The following ZFAND4 variants were observed in gnomAD, a reference collection of about 807,000 sequenced individuals.
ZFAND4 encodes the protein zinc finger AN1-type containing 4, also known as AN1-type zinc finger protein 4.
ZFAND4 carries 43 observed loss-of-function variants against 64.4 expected under a neutral mutation model. The observed-to-expected ratio is 0.67, with a 90% CI of 0.52 to 0.86. The LOEUF is 0.86. Among genes scored for constraint, ZFAND4 ranks in the 40% least tolerant of loss-of-function variants. The pLI, the probability that ZFAND4 is intolerant of heterozygous loss-of-function variation, is 0.00. For missense variants in ZFAND4, 929 were observed against 859.8 expected, an observed-to-expected ratio of 1.08 and a Z score of -1.01; for synonymous variants, 296 against 305.7, an observed-to-expected ratio of 0.97 and a Z score of 0.33.
chr10:45,627,065 G>A lies in ZFAND4; in HGVS notation c.758C>T (p.Ala253Val). The change falls in exon 7 of 10, where the codon GCT (alanine) becomes GTT (valine). Residue 253 changes from alanine (A) to valine (V), a missense_variant. Physicochemically the swap from Ala to Val is moderately conservative, Grantham distance 64. Coordinates refer to ENST00000344646, the MANE Select transcript of ZFAND4 (RefSeq NM_174890.4). ...AVKIKPHPPV[A>V]PRPSSGSTAP... ...AGTGGAACCACTAGAAGGTCGAGGAGCTACAGGTGGGTGAGGTTTTATCTT... is the reference window on the plus strand; with the variant it reads ...AGTGGAACCACTAGAAGGTCGAGGAACTACAGGTGGGTGAGGTTTTATCTT... 1 of 1,572,224 alleles carries A rather than the reference G, an allele frequency of 6.4e-7. No individual in the cohort carries two copies. The highest frequency in any genetic ancestry group is 8.6e-7 in the Non-Finnish European group (1 of 1,158,686).
intron 2 of ZFAND4, among the ~76,000 whole-genome samples, 198 bp from the exon 3 acceptor site, chr10:45,653,257 C>T (rs2047881341): frequency 6.6e-6 from 1 of 152,152 alleles, no homozygotes; most frequent in Non-Finnish European, 1.5e-5. Context: ...AATCCATTCA[C>T]TGTAGAAAAG....
intron 3 of ZFAND4, among the ~76,000 whole-genome samples, chr10:45,652,748 T>TA (rs2047841292): frequency 1.3e-5 from 2 of 152,050 alleles, no homozygotes; most frequent in Admixed American, 1.3e-4. Flanking sequence ...AGGCAGGAGA[T>TA]AAACAGCTTG....
At chr10:45,616,711 T>C (rs1292406305) in intron 9 of ZFAND4, 140 bp from the exon 10 acceptor site, 1 of 743,014 alleles carries the variant, frequency 1.3e-6, no homozygotes, top group Non-Finnish European at 2.2e-6. Flanking sequence ...ACATTTCCCT[T>C]CCATTCGTAA....
rs1201602833 is a variant in ZFAND4 at position 45,627,078 on chromosome 10, G to A, written c.745C>T (p.His249Tyr). The change falls in exon 7 of 10, where the codon CAC (histidine) becomes TAC (tyrosine). Residue 249 changes from histidine to tyrosine, a missense_variant. Physicochemically the swap from His to Tyr is moderately conservative, Grantham distance 83. Coordinates refer to ENST00000344646, the MANE Select transcript of ZFAND4 (RefSeq NM_174890.4). ...GAAGGTCGAGGAGCTACAGGTGGGTGAGGTTTTATCTTGACAGCTTTCTTA... is the reference window on the plus strand; with the variant it reads ...GAAGGTCGAGGAGCTACAGGTGGGTAAGGTTTTATCTTGACAGCTTTCTTA... ...KPKKAVKIKP[H>Y]PPVAPRPSSG... 2 of 1,557,796 alleles carry A rather than the reference G, an allele frequency of 1.3e-6. No homozygotes were observed. Among genetic ancestry groups the A allele is most frequent in the Non-Finnish European group, 8.7e-7 (1 of 1,152,536 alleles).
intron 1 of ZFAND4, among the ~76,000 whole-genome samples, chr10:45,669,875 G>A (rs946860826): frequency 2.0e-5 from 3 of 152,126 alleles, no homozygotes; most frequent in Non-Finnish European, 4.4e-5. Context: ...TTGATGGAAC[G>A]TATCTCAAAA....
At chr10:45,666,883 C>T (rs2048860268) in intron 1 of ZFAND4, among the ~76,000 whole-genome samples, 1 of 152,192 alleles carries the variant, frequency 6.6e-6, no homozygotes, top group Admixed American at 6.5e-5. Flanking sequence ...AGTACCACCA[C>T]ATCTTAATTA....
chr10:45,656,337 T>C (rs1589407829), intron 2 of ZFAND4, among the ~76,000 whole-genome samples: 1 of 147,758 alleles, frequency 6.8e-6, no homozygotes, highest in Non-Finnish European at 1.5e-5. Flanking sequence ...AGGTGGCTCA[T>C]GCTTGTAATC....
At chr10:45,656,777 G>C (rs750513599) in intron 2 of ZFAND4, among the ~76,000 whole-genome samples, 14 of 152,008 alleles carry the variant, frequency 9.2e-5, no homozygotes, top group Non-Finnish European at 1.5e-4. Flanking sequence ...TAGGTCATGA[G>C]GGTAGGGTCC....
At chr10:45,663,505 T>C (rs558433580) in intron 2 of ZFAND4, 37 bp downstream of exon 2, 14 of 1,503,720 alleles carry the variant, frequency 9.3e-6, no homozygotes, top group African/African-American at 7.1e-5. Context: ...TGAACAAATT[T>C]AATTTTCATA....
At chr10:45,660,160 C>CAAA (rs59673620) in intron 2 of ZFAND4, among the ~76,000 whole-genome samples, 5 of 92,526 alleles carry the variant, frequency 5.4e-5, no homozygotes, top group East Asian at 2.5e-4. Flanking sequence ...AGACGCATCT[C>CAAA]AAAAAAAAAA....
rs766013984 is a variant in ZFAND4 at position 45,640,305 on chromosome 10, A to C, written c.570-342T>G. The C allele has an allele frequency of 2.1e-4, 259 of 1,248,010 alleles. 1 individual carries two copies. The highest frequency in any genetic ancestry group is 1.1e-3 in the Middle Eastern group (5 of 4,480). The allele number at this position is 1,248,010 out of a possible 1,614,324, so 77.3% of individuals were successfully genotyped here. A position where few individuals can be genotyped will look rare whatever the true frequency, so the allele number is the denominator to read the frequency against. On this transcript the variant is annotated intron_variant, in intron 5 of 9. Coordinates refer to ENST00000344646, the MANE Select transcript of ZFAND4 (RefSeq NM_174890.4). ...ATGTCTGATTTCATTTTATCAGCCA[A>C]GGCTGATAATTGTGCAACCCAGACA...
At chr10:45,657,014 CT>C (rs199943085) in intron 2 of ZFAND4, among the ~76,000 whole-genome samples, 6,051 of 137,192 alleles carry the variant, frequency 0.044, 109 homozygotes, top group African/African-American at 0.058. Context: ...GCAACCTGAA[CT>C]TTTTTTTTTT....
At chr10:45,624,062 T>C (rs2045621868) in intron 8 of ZFAND4, among the ~76,000 whole-genome samples, 1 of 152,188 alleles carries the variant, frequency 6.6e-6, no homozygotes, top group Admixed American at 6.5e-5. Context: ...CGGTGCATCT[T>C]TAATGTGTTA....
At chr10:45,653,368 T>C (rs576315189) in intron 2 of ZFAND4, among the ~76,000 whole-genome samples, 63 of 152,144 alleles carry the variant, frequency 4.1e-4, no homozygotes, top group African/African-American at 1.1e-3. Flanking sequence ...AAAGAAACTA[T>C]CAACAGAGTA....
At chr10:45,637,579 G>A (rs957373765) in intron 6 of ZFAND4, among the ~76,000 whole-genome samples, 6 of 151,840 alleles carry the variant, frequency 4.0e-5, no homozygotes, top group East Asian at 1.9e-4. Flanking sequence ...GTGAAACCCC[G>A]TCTCTACTAA....
chr10:45,664,265 T>C (rs2048662065), intron 1 of ZFAND4, among the ~76,000 whole-genome samples: 1 of 151,478 alleles, frequency 6.6e-6, no homozygotes, highest in South Asian at 2.1e-4. Flanking sequence ...ACAACGATTG[T>C]ACATTTGACT....
intron 2 of ZFAND4, among the ~76,000 whole-genome samples, chr10:45,653,792 T>C (rs1013638761): frequency 1.3e-5 from 2 of 152,172 alleles, no homozygotes; most frequent in East Asian, 1.9e-4. Flanking sequence ...AGAACGACCA[T>C]TGAACCCAAC....
At chr10:45,652,933 G>C (rs1334307505) in intron 3 of ZFAND4, 51 bp downstream of exon 3, 3 of 1,350,342 alleles carry the variant, frequency 2.2e-6, no homozygotes, top group Non-Finnish European at 2.1e-6. Context: ...TTAGCATATG[G>C]AGTCATAATA....
chr10:45,616,576 A>C lies in ZFAND4; in HGVS notation c.2049-5T>G. ...GCACAGAAGTTGTTTCCACATCTAAAGCACAAAAAAAGTTTACGTGAATAG... is the reference window on the plus strand; with the variant it reads ...GCACAGAAGTTGTTTCCACATCTAACGCACAAAAAAAGTTTACGTGAATAG... On this transcript the variant is annotated splice_polypyrimidine_tract_variant and splice_region_variant and intron_variant, in intron 9 of 9. Coordinates refer to ENST00000344646, the MANE Select transcript of ZFAND4 (RefSeq NM_174890.4). The C allele has an allele frequency of 6.2e-7, 1 of 1,613,902 alleles. No homozygotes were observed. Among genetic ancestry groups the C allele is most frequent in the Non-Finnish European group, 8.5e-7 (1 of 1,179,892 alleles).
Sources: allele counts gnomAD v4.1 joint callset (sites outside exome capture counted in the v4.1 genomes callset), GRCh38; gene constraint gnomAD v4.1.1; transcripts MANE v1.5; gene names NCBI Gene and HGNC (gene_info 2026-07-23, HGNC 2026-07-21).